The following ABCG1 variants were observed in gnomAD, a reference collection of about 807,000 sequenced individuals.
ABCG1 encodes ATP-binding cassette sub-family G member 1.
ABCG1 carries 29 observed loss-of-function variants against 69.2 expected under a neutral mutation model. The ratio of observed to expected loss-of-function variants is 0.42; its 90% CI spans 0.31 to 0.57. ABCG1 has a LOEUF of 0.57. Among genes scored for constraint, ABCG1 ranks in the 20% least tolerant of loss-of-function variants. The probability of loss-of-function intolerance (pLI) is 0.15; values close to 1 mark genes in which losing one functional copy is unlikely to be tolerated. For synonymous variants in ABCG1, 370 were observed against 374.8 expected (o/e 0.99, Z 0.15); for missense variants, 718 against 898.1 (o/e 0.80, Z 2.56).
intron 2 of ABCG1, among the ~76,000 whole-genome samples, chr21:42,252,495 C>T (rs191355153): frequency 2.3e-4 from 35 of 152,232 alleles, no homozygotes; most frequent in Non-Finnish European, 3.4e-4. Flanking sequence ...CCAGGGCCGC[C>T]GGGCAGCTGG....
chr21:42,225,117 G>T (rs1294519684), intron 1 of ABCG1, among the ~76,000 whole-genome samples: 2 of 152,184 alleles, frequency 1.3e-5, no homozygotes, highest in Admixed American at 1.3e-4. Flanking sequence ...GGTAGCAAGA[G>T]AGTAGAATTG....
chr21:42,232,131 G>A (rs2067910034), intron 2 of ABCG1, among the ~76,000 whole-genome samples: 1 of 152,192 alleles, frequency 6.6e-6, no homozygotes, highest in Non-Finnish European at 1.5e-5. Context: ...TGACCCCTCT[G>A]CCTTACAGGG....
intron 1 of ABCG1, among the ~76,000 whole-genome samples, chr21:42,222,225 C>T (rs775783324): frequency 5.9e-5 from 9 of 152,170 alleles, no homozygotes; most frequent in African/African-American, 1.9e-4. Flanking sequence ...AGGAGAAACT[C>T]GCTGTAACCT....
intron 2 of ABCG1, among the ~76,000 whole-genome samples, chr21:42,235,109 C>T (rs566428759): frequency 2.3e-3 from 344 of 152,322 alleles, no homozygotes; most frequent in Non-Finnish European, 3.9e-3. Context: ...TGTTCTCCTC[C>T]CCAGGTCCAG....
At position 42,288,634 on chromosome 21, in the gene ABCG1, G is replaced by T. The variant is rs1490752625; in HGVS notation, c.1224+322G>T. On this transcript the variant is annotated intron_variant, in intron 10 of 14. Transcript: ENST00000398449. This position sits in a 1 kb window ranked among gnomAD's most constrained non-coding sequence, Gnocchi z 4.8. ...GGGCAGGAGAACTGCTTGAACCCAG[G>T]GGGGCGGAGATTGCAGTGAGCCGAG... Among the ~76,000 whole-genome samples the T allele has an allele frequency of 6.6e-6, 1 of 152,118 alleles. No homozygotes were observed. The highest frequency in any genetic ancestry group is 1.5e-5 in the Non-Finnish European group (1 of 68,012).
chr21:42,201,652 ACT>A (rs780453590), exon 2 of ABCG1: 21 of 1,604,000 alleles, frequency 1.3e-5, no homozygotes, highest in Middle Eastern at 1.7e-4. Context: ...GGGATCACCG[ACT>A]CTGTGCCAGG....
upstream of ABCG1, among the ~76,000 whole-genome samples, chr21:42,214,348 T>C (rs1333336509): frequency 6.6e-6 from 1 of 152,232 alleles, no homozygotes; most frequent in Non-Finnish European, 1.5e-5. Context: ...AGTTTGACCT[T>C]GGACTTCCCA....
chr21:42,220,919 G>A (rs947331118), intron 1 of ABCG1, among the ~76,000 whole-genome samples: 4 of 152,162 alleles, frequency 2.6e-5, no homozygotes, highest in African/African-American at 4.8e-5. Context: ...AAGGTGGCTT[G>A]GTGTGGGTTT....
rs543975818 is a variant in ABCG1, at chr21:42,295,676, C to T, written c.1773-488C>T. Among the ~76,000 whole-genome samples, 4 of 152,350 alleles carry T rather than the reference C, an allele frequency of 2.6e-5. No individual in the cohort carries two copies. The East Asian group carries it at 7.7e-4, about 29-fold the overall frequency. On this transcript the variant is annotated intron_variant, in intron 14 of 14. Transcript: ENST00000398449. ...ACTTGTACAGAGTTTCGACAATCTGCGTGTGCTCCAACACTATGAAATCAG... is the reference window on the plus strand; with the variant it reads ...ACTTGTACAGAGTTTCGACAATCTGTGTGTGCTCCAACACTATGAAATCAG...
At position 42,282,258 on chromosome 21, in the gene ABCG1, G is replaced by C; in HGVS notation, c.589-16G>C. 6.2e-7 allele frequency: 1 copy of C among 1,608,922 alleles called. No homozygotes were observed. Among genetic ancestry groups the C allele is most frequent in the Non-Finnish European group, 8.5e-7 (1 of 1,178,566 alleles). ...TGGCGGGCAGCTCCCAATGTCTCTC[G>C]TTCTGTTGCCCCCAGGTCAAGGAGA... is the stretch of plus-strand genomic sequence containing the variant. On this transcript the variant is annotated splice_polypyrimidine_tract_variant and intron_variant, in intron 5 of 14. Transcript: ENST00000398449.
At chr21:42,294,880 C>T (rs2069173526) in intron 14 of ABCG1, 1 of 533,184 alleles carries the variant, frequency 1.9e-6, no homozygotes, top group Non-Finnish European at 3.4e-6. Context: ...ACCAGCGCTT[C>T]ACACCCGGAG....
At chr21:42,242,437 G>C (rs984397428) in intron 2 of ABCG1, among the ~76,000 whole-genome samples, 1 of 152,208 alleles carries the variant, frequency 6.6e-6, no homozygotes, top group East Asian at 1.9e-4. Flanking sequence ...GGAGTTCAAG[G>C]CTGCAGTAAG....
At chr21:42,234,964 G>A (rs957540858) in intron 2 of ABCG1, among the ~76,000 whole-genome samples, 1 of 152,108 alleles carries the variant, frequency 6.6e-6, no homozygotes, top group African/African-American at 2.4e-5. Context: ...TTGGCTGCGG[G>A]CGCCCCGCGC....
upstream of ABCG1, among the ~76,000 whole-genome samples, chr21:42,215,191 A>G (rs760929706): frequency 3.3e-5 from 5 of 152,134 alleles, no homozygotes; most frequent in Admixed American, 6.5e-5. Context: ...TCTCACCCCA[A>G]TGGCCTGGCT....
intron 2 of ABCG1, among the ~76,000 whole-genome samples, chr21:42,235,086 C>G (rs2083403743): frequency 6.6e-6 from 1 of 152,212 alleles, no homozygotes; most frequent in South Asian, 2.1e-4. Context: ...TCCCGGCGCC[C>G]CGCGCGTGCT....
chr21:42,220,216 T>C (rs1473953304), intron 1 of ABCG1, among the ~76,000 whole-genome samples: 2 of 152,184 alleles, frequency 1.3e-5, no homozygotes, highest in African/African-American at 2.4e-5. Flanking sequence ...AAAGTACAAA[T>C]GGAAAGTCTT....
intron 2 of ABCG1, among the ~76,000 whole-genome samples, chr21:42,208,196 G>A (rs2123468207): frequency 2.0e-5 from 3 of 150,950 alleles, no homozygotes; most frequent in Admixed American, 2.0e-4. Flanking sequence ...TATTCTTTTG[G>A]CTAGAGAGAG....
intron 1 of ABCG1, among the ~76,000 whole-genome samples, chr21:42,200,791 G>T (rs985122312): frequency 6.6e-6 from 1 of 152,056 alleles, no homozygotes; most frequent in Non-Finnish European, 1.5e-5. Flanking sequence ...GCTTCACCAT[G>T]TTGGCCAGGC....
At chr21:42,286,252 A>T in intron 8 of ABCG1, 2 of 424,806 alleles carry the variant, frequency 4.7e-6, no homozygotes, top group Non-Finnish European at 8.5e-6. Flanking sequence ...TGAGGACAGC[A>T]GTCATTGGAT....
Sources: allele counts gnomAD v4.1 joint callset (sites outside exome capture counted in the v4.1 genomes callset), GRCh38; gene constraint gnomAD v4.1.1; non-coding constraint Gnocchi (gnomAD v3.1); transcripts MANE v1.5; gene names NCBI Gene and HGNC (gene_info 2026-07-23, HGNC 2026-07-21).